Variants in EYS observed in about 807,000 individuals in gnomAD.
The protein encoded by EYS is EGF-like photoreceptor maintenance factor, also known as protein eyes shut homolog.
Under a neutral mutation model 282.1 loss-of-function variants are expected in EYS, and 250 were observed. The ratio of observed to expected loss-of-function variants is 0.89; its 90% CI spans 0.80 to 0.98. The LOEUF (loss-of-function observed/expected upper bound fraction) is 0.98, where lower values mean the gene tolerates loss of function less well. Among genes scored for constraint, EYS ranks in the 50% least tolerant of loss-of-function variants. The pLI is 0.00. For missense variants in EYS, 4,016 were observed against 3,709.0 expected (o/e 1.08, Z -2.15); for synonymous variants, 1,355 against 1,282.9 (o/e 1.06, Z -1.20).
intron 24 of EYS, among the ~76,000 whole-genome samples, chr6:64,593,690 G>A (rs543979131): frequency 1.4e-3 from 219 of 152,230 alleles, no homozygotes; most frequent in African/African-American, 4.9e-3. Context: ...GTCAAATTTA[G>A]TTGGAAGCTA....
At chr6:64,907,722 A>C (rs1767875097) in intron 16 of EYS, among the ~76,000 whole-genome samples, 1 of 152,110 alleles carries the variant, frequency 6.6e-6, no homozygotes, top group Admixed American at 6.5e-5. Flanking sequence ...AACTCTAAAG[A>C]AGGGGTCTGA....
At chr6:64,403,198 C>T (rs1773594220) in intron 28 of EYS, among the ~76,000 whole-genome samples, 1 of 151,498 alleles carries the variant, frequency 6.6e-6, no homozygotes, top group Non-Finnish European at 1.5e-5. Flanking sequence ...AAAGAAAACA[C>T]CAAGAGAACT....
chr6:65,155,892 A>T (rs1046577263), intron 12 of EYS, among the ~76,000 whole-genome samples: 1 of 151,496 alleles, frequency 6.6e-6, no homozygotes, highest in South Asian at 2.1e-4. Context: ...GATTATAAAG[A>T]TCCTTGCATA....
intron 1 of EYS, among the ~76,000 whole-genome samples, chr6:65,653,090 A>T (rs1019401132): frequency 6.6e-6 from 1 of 151,940 alleles, no homozygotes; most frequent in African/African-American, 2.4e-5. Context: ...GCCACAAAGG[A>T]TACACAGATT....
intron 22 of EYS, among the ~76,000 whole-genome samples, chr6:64,642,696 G>T (rs1768197953): frequency 6.6e-6 from 1 of 152,164 alleles, no homozygotes; most frequent in South Asian, 2.1e-4. Context: ...TCCAGCTAAT[G>T]CATTACTAAA....
intron 35 of EYS, among the ~76,000 whole-genome samples, chr6:63,960,223 T>C (rs1765999247): frequency 6.6e-6 from 1 of 152,108 alleles, no homozygotes; most frequent in African/African-American, 2.4e-5. Context: ...TTACAATCCA[T>C]GTGGATGACT....
intron 26 of EYS, among the ~76,000 whole-genome samples, chr6:64,588,164 A>G (rs929178934): frequency 2.6e-5 from 4 of 152,070 alleles, no homozygotes; most frequent in African/African-American, 9.7e-5. Context: ...ACTGTGATGA[A>G]AATTTTAGGA....
At position 63,721,308 on chromosome 6, in the gene EYS, T is replaced by G. The variant is rs761809527; in HGVS notation, c.8723A>C (p.Asn2908Thr). 1 of 1,552,006 alleles carries G rather than the reference T, an allele frequency of 6.4e-7. No homozygotes were observed. Among genetic ancestry groups the G allele is most frequent in the Non-Finnish European group, 8.7e-7 (1 of 1,146,998 alleles). The change falls in exon 43 of 43, where the codon AAT becomes ACT. Residue 2908 changes from asparagine to threonine, a missense_variant. Transcript: ENST00000503581. ...ACAGGACACAGACTGGTTACATGTA[T>G]TTCCAGCCCAATCTGGCAAACATCT... ...SCRCLPDWAG[N>T]TCNQSVSCLN...
chr6:64,402,355 A>G (rs189004554), intron 28 of EYS, among the ~76,000 whole-genome samples: 26 of 152,198 alleles, frequency 1.7e-4, no homozygotes, highest in Non-Finnish European at 8.8e-5. Flanking sequence ...TTGATTTCTT[A>G]ATAAAACTTA....
intron 12 of EYS, among the ~76,000 whole-genome samples, chr6:65,131,051 T>C (rs1775861225): frequency 6.6e-6 from 1 of 151,548 alleles, no homozygotes; most frequent in Non-Finnish European, 1.5e-5. Context: ...TTATAAAAAA[T>C]ATATATTTGG....
intron 11 of EYS, among the ~76,000 whole-genome samples, chr6:65,327,289 C>T (rs1266260466): frequency 6.6e-6 from 1 of 151,502 alleles, no homozygotes; most frequent in Non-Finnish European, 1.5e-5. Context: ...TTATAATGAA[C>T]CTCTTAACCT....
chr6:64,753,055 A>G (rs920633248), intron 22 of EYS, among the ~76,000 whole-genome samples: 3 of 152,192 alleles, frequency 2.0e-5, no homozygotes, highest in Admixed American at 1.3e-4. Context: ...AATGCTAAGG[A>G]AATTCATCAC....
intron 11 of EYS, among the ~76,000 whole-genome samples, chr6:65,327,710 A>G (rs1374100951): frequency 1.3e-5 from 2 of 151,604 alleles, no homozygotes; most frequent in Admixed American, 6.6e-5. Flanking sequence ...ATAAGAGACC[A>G]CTAATTTACA....
At chr6:65,547,234 T>C (rs1017241662) in intron 2 of EYS, among the ~76,000 whole-genome samples, 1 of 150,496 alleles carries the variant, frequency 6.6e-6, no homozygotes, top group African/African-American at 2.4e-5. Flanking sequence ...AATTTCACTA[T>C]TTCCACAGAT....
At chr6:64,396,595 T>C (rs9362777) in intron 28 of EYS, among the ~76,000 whole-genome samples, 42,126 of 151,940 alleles carry the variant, frequency 0.28, 5,960 homozygotes, top group East Asian at 0.46. Context: ...TTGGTTTTTA[T>C]ATAGTCCCAA....
At chr6:65,210,931 A>AAC (rs59095242) in intron 12 of EYS, among the ~76,000 whole-genome samples, 3,940 of 148,444 alleles carry the variant, frequency 0.027, 112 homozygotes, top group African/African-American at 0.068. Flanking sequence ...AAGTCGTACA[A>AAC]ACACACACAC....
At chr6:64,848,318 C>A (rs1765778682) in intron 19 of EYS, among the ~76,000 whole-genome samples, 1 of 151,774 alleles carries the variant, frequency 6.6e-6, no homozygotes, top group South Asian at 2.1e-4. Flanking sequence ...CAAGATTATG[C>A]TTTGATCATT....
rs148352900 is a variant in EYS, at chr6:65,707,212, A to C, written c.-525T>G. ...TAATGTCTGGACATGCCTAGCGTGTATCACTTTGTTTCTCAGAAGCCTAAT... is the reference window on the plus strand; with the variant it reads ...TAATGTCTGGACATGCCTAGCGTGTCTCACTTTGTTTCTCAGAAGCCTAAT... On this transcript the variant is annotated 5_prime_UTR_variant, in exon 1 of 43. Coordinates refer to ENST00000503581, the MANE Select transcript of EYS (RefSeq NM_001142800.2). 37 of 152,308 alleles carry C rather than the reference A, an allele frequency of 2.4e-4. No homozygotes were observed. Among genetic ancestry groups the C allele is most frequent in the Middle Eastern group, 3.4e-3 (1 of 294 alleles). The allele number at this position is 152,308 out of a possible 1,614,324, so 9.4% of individuals were successfully genotyped here.
At chr6:65,046,168 C>A (rs149019071) in intron 13 of EYS, among the ~76,000 whole-genome samples, 1 of 151,940 alleles carries the variant, frequency 6.6e-6, no homozygotes, top group East Asian at 2.0e-4. Flanking sequence ...TAATTCTATG[C>A]AACTCCTCTT....
Sources: gnomAD v4.1 joint callset for allele counts (sites outside exome capture counted in the v4.1 genomes callset) on GRCh38, gnomAD v4.1.1 for gene constraint, MANE v1.5 for transcripts, NCBI Gene and HGNC (gene_info 2026-07-23, HGNC 2026-07-21) for gene names.